The following CSMD3 variants were observed in gnomAD, a reference collection of about 807,000 sequenced individuals.
CSMD3 encodes CUB and sushi domain-containing protein 3.
A neutral mutation model predicts 435.2 loss-of-function variants in CSMD3; 177 were observed. That is an observed-to-expected ratio of 0.41 (90% confidence interval 0.36 to 0.46). The LOEUF (loss-of-function observed/expected upper bound fraction) is 0.46, where lower values mean the gene tolerates loss of function less well. Among genes scored for constraint, CSMD3 ranks in the 20% least tolerant of loss-of-function variants. The pLI is 0.34. For missense variants in CSMD3, 4,265 were observed against 4,504.6 expected (o/e 0.95, Z 1.52); for synonymous variants, 1,656 against 1,520.5 (o/e 1.09, Z -2.07).
At chr8:113,040,173 A>T (rs2087544992) in intron 5 of CSMD3, among the ~76,000 whole-genome samples, 1 of 152,186 alleles carries the variant, frequency 6.6e-6, no homozygotes, top group East Asian at 1.9e-4. Flanking sequence ...CCATGTAGTT[A>T]TATGAGATAT....
chr8:113,113,237 T>C (rs1026065452), intron 4 of CSMD3, among the ~76,000 whole-genome samples: 1 of 152,194 alleles, frequency 6.6e-6, no homozygotes, highest in Non-Finnish European at 1.5e-5. Context: ...ATGCATGCTA[T>C]GTATATAGTT....
Position 113,368,519 on chromosome 8 carries a change from T to C in CSMD3, c.179-53726A>G, listed in dbSNP as rs879475933. On this transcript the variant is annotated intron_variant, in intron 1 of 70. Transcript: ENST00000297405. ...TTTCCTAGAGGAATATGGATAAATATGTTTCTTTATATAAAGATGTTAATG... is the reference window on the plus strand; with the variant it reads ...TTTCCTAGAGGAATATGGATAAATACGTTTCTTTATATAAAGATGTTAATG... Among the ~76,000 whole-genome samples the C allele has an allele frequency of 5.3e-5, 8 of 152,150 alleles. 1 individual carries two copies. Among genetic ancestry groups the C allele is most frequent in the Admixed American group, 5.2e-4 (8 of 15,244 alleles).
chr8:112,899,850 G>A lies in CSMD3; in HGVS notation c.1633+21777C>T, dbSNP rs537169235. 8.0e-5 allele frequency among the ~76,000 whole-genome samples: 12 copies of A among 149,102 alleles called. No homozygotes were observed. In the South Asian group the frequency reaches 1.3e-3, roughly 16 times the overall value. On this transcript the variant is annotated intron_variant, in intron 10 of 70. Coordinates refer to ENST00000297405, the MANE Select transcript of CSMD3 (RefSeq NM_198123.2). ...ATATATATGGAGAGAGAGAGAGAGA[G>A]TCAGAGAGAGAGAGACTTATATATA...
intron 17 of CSMD3, among the ~76,000 whole-genome samples, chr8:112,657,124 G>A (rs2075277011): frequency 6.8e-6 from 1 of 146,928 alleles, no homozygotes; most frequent in Non-Finnish European, 1.5e-5. Flanking sequence ...GTGCAGTGGT[G>A]CCATCTTGGG....
chr8:113,029,364 C>T (rs892452644), intron 5 of CSMD3, among the ~76,000 whole-genome samples: 1 of 151,424 alleles, frequency 6.6e-6, no homozygotes, highest in South Asian at 2.1e-4. Flanking sequence ...AATATAGATG[C>T]TAAAATCTGT....
intron 32 of CSMD3, among the ~76,000 whole-genome samples, chr8:112,413,652 G>A (rs1340996597): frequency 6.6e-6 from 1 of 152,122 alleles, no homozygotes; most frequent in Non-Finnish European, 1.5e-5. Context: ...GCACTAAAAT[G>A]GGTTAGTGCT....
intron 3 of CSMD3, among the ~76,000 whole-genome samples, chr8:113,272,528 T>C (rs994119788): frequency 6.6e-6 from 1 of 151,148 alleles, no homozygotes; most frequent in African/African-American, 2.4e-5. Flanking sequence ...TTGGGGTTTC[T>C]GCTTTTGCAA....
At chr8:112,559,486 T>C (rs568653022) in intron 24 of CSMD3, among the ~76,000 whole-genome samples, 1 of 151,956 alleles carries the variant, frequency 6.6e-6, no homozygotes, top group East Asian at 1.9e-4. Context: ...ATTTTTTCAT[T>C]AGGTATTCAT....
intron 24 of CSMD3, among the ~76,000 whole-genome samples, chr8:112,562,973 A>G (rs1301414062): frequency 6.6e-6 from 1 of 151,740 alleles, no homozygotes. Flanking sequence ...ATTGCCACAT[A>G]AAACTAACAT....
At chr8:112,665,981 G>A (rs1157641441) in intron 17 of CSMD3, among the ~76,000 whole-genome samples, 2 of 152,010 alleles carry the variant, frequency 1.3e-5, no homozygotes, top group Admixed American at 1.3e-4. Context: ...GCCCTTCAAA[G>A]TATAGAACAA....
intron 8 of CSMD3, among the ~76,000 whole-genome samples, chr8:112,952,841 A>C (rs959979099): frequency 6.6e-6 from 1 of 151,574 alleles, no homozygotes; most frequent in African/African-American, 2.4e-5. Context: ...TTTAAAGCAA[A>C]TATTTCTTAA....
chr8:113,169,816 A>G (rs1342159034), intron 4 of CSMD3, among the ~76,000 whole-genome samples: 2 of 152,150 alleles, frequency 1.3e-5, no homozygotes, highest in East Asian at 3.9e-4. Context: ...AGGATTCTAA[A>G]GCTACATCAT....
intron 13 of CSMD3, among the ~76,000 whole-genome samples, chr8:112,752,793 G>T (rs576723813): frequency 5.9e-5 from 9 of 152,006 alleles, no homozygotes; most frequent in African/African-American, 1.7e-4. Flanking sequence ...GAGTTGTTGA[G>T]GTAACAACCT....
chr8:112,310,281 G>A (rs1821847907), intron 50 of CSMD3: 1 of 152,330 alleles, frequency 6.6e-6, no homozygotes, highest in African/African-American at 2.4e-5. Context: ...GTGCAGTGTT[G>A]CAATCTCAGC....
intron 4 of CSMD3, among the ~76,000 whole-genome samples, chr8:113,132,991 GGATA>G (rs1172235393): frequency 1.3e-5 from 2 of 151,918 alleles, no homozygotes; most frequent in African/African-American, 4.8e-5. Context: ...TCAGGATGAT[GGATA>G]AAGTTTTCAC....
At chr8:112,997,506 G>C (rs1253067765) in intron 6 of CSMD3, among the ~76,000 whole-genome samples, 1 of 151,454 alleles carries the variant, frequency 6.6e-6, no homozygotes, top group Non-Finnish European at 1.5e-5. Context: ...TCAGGAGGCA[G>C]GTCATTTTTG....
chr8:113,019,201 C>A (rs767635951), intron 5 of CSMD3, 22 bp from the exon 6 acceptor site: 1 of 1,524,898 alleles, frequency 6.6e-7, no homozygotes, highest in Non-Finnish European at 9.1e-7. Context: ...AAGACAACAA[C>A]AAAAAAATTT....
In CSMD3 at chr8:112,992,817, C is replaced by CTG. The variant is rs112676787; in HGVS notation, c.1031-16671_1031-16670dup. 3.1e-3 allele frequency among the ~76,000 whole-genome samples: 470 copies of CTG among 149,860 alleles called. 3 individuals carry two copies. Among genetic ancestry groups the CTG allele is most frequent in the African/African-American group, 0.01 (412 of 41,026 alleles). ...TGTGTGTGTGCTTGTGTATGTGCCT[C>CTG]TGTGTGTGTGTGTGTGTTTTTGTGT... On this transcript the variant is annotated intron_variant, in intron 6 of 70. Coordinates refer to ENST00000297405, the MANE Select transcript of CSMD3 (RefSeq NM_198123.2).
At chr8:112,538,416 T>C (rs1054473062) in intron 27 of CSMD3, among the ~76,000 whole-genome samples, 2 of 152,112 alleles carry the variant, frequency 1.3e-5, no homozygotes, top group Admixed American at 6.6e-5. Flanking sequence ...ATTGTCCTTG[T>C]GTGCAGATGA....
Sources: allele counts gnomAD v4.1 joint callset (sites outside exome capture counted in the v4.1 genomes callset), GRCh38; gene constraint gnomAD v4.1.1; transcripts MANE v1.5; gene names NCBI Gene and HGNC (gene_info 2026-07-23, HGNC 2026-07-21).